The following MALRD1 variants were observed in gnomAD, a reference collection of about 807,000 sequenced individuals.
The protein encoded by MALRD1 is MAM and LDL-receptor class A domain-containing protein 1.
In MALRD1, 247 loss-of-function variants were observed where a neutral mutation model predicts 242.1. The observed-to-expected ratio is 1.02, with a 90% CI of 0.92 to 1.13. The LOEUF (loss-of-function observed/expected upper bound fraction) is 1.13. Among genes scored for constraint, MALRD1 ranks in the 50% most tolerant of loss-of-function variants. The pLI is 0.00. For synonymous variants in MALRD1, 995 were observed against 866.6 expected, an observed-to-expected ratio of 1.15 and a Z score of -2.60; for missense variants, 2,989 against 2,533.1, an observed-to-expected ratio of 1.18 and a Z score of -3.86.
intron 10 of MALRD1, among the ~76,000 whole-genome samples, chr10:19,144,123 G>C (rs975174650): frequency 3.3e-5 from 5 of 152,192 alleles, no homozygotes; most frequent in African/African-American, 1.2e-4. Context: ...TTATTATGCT[G>C]TAGTCAACTT....
At chr10:19,246,250 T>G (rs1839038545) in intron 18 of MALRD1, among the ~76,000 whole-genome samples, 1 of 152,156 alleles carries the variant, frequency 6.6e-6, no homozygotes, top group Non-Finnish European at 1.5e-5. Context: ...ATAACCATAT[T>G]TTGATAACCA....
intron 12 of MALRD1, 107 bp from the exon 13 acceptor site, chr10:19,165,530 C>A (rs1834652916): frequency 3.5e-6 from 3 of 851,562 alleles, no homozygotes; most frequent in African/African-American, 1.8e-5. Context: ...CTTTGGGAGG[C>A]CGAGGCAGGC....
intron 36 of MALRD1, among the ~76,000 whole-genome samples, chr10:19,624,420 G>T (rs1426401473): frequency 6.6e-6 from 1 of 152,142 alleles, no homozygotes; most frequent in Non-Finnish European, 1.5e-5. Context: ...CACTGAAACT[G>T]TTCTGTAGCT....
intron 24 of MALRD1, among the ~76,000 whole-genome samples, chr10:19,342,475 A>G (rs1405467911): frequency 6.6e-6 from 1 of 152,152 alleles, no homozygotes; most frequent in African/African-American, 2.4e-5. Context: ...CTTCTTGTCT[A>G]GTAAAAGAGA....
At chr10:19,145,998 T>C (rs546092440) in intron 10 of MALRD1, among the ~76,000 whole-genome samples, 200 bp from the exon 11 acceptor site, 6 of 152,230 alleles carry the variant, frequency 3.9e-5, no homozygotes, top group African/African-American at 1.4e-4. Flanking sequence ...GATGGAAGCA[T>C]GTGGAAGGGT....
intron 38 of MALRD1, among the ~76,000 whole-genome samples, chr10:19,703,357 C>T (rs1833706518): frequency 6.6e-6 from 1 of 152,112 alleles, no homozygotes; most frequent in Non-Finnish European, 1.5e-5. Context: ...GGGGCGAGGG[C>T]CACAGCACAC....
At chr10:19,697,047 A>G (rs1357502503) in intron 38 of MALRD1, among the ~76,000 whole-genome samples, 2 of 152,250 alleles carry the variant, frequency 1.3e-5, no homozygotes, top group Admixed American at 6.5e-5. Flanking sequence ...ATCTAGGGAA[A>G]GAAGCAGATA....
intron 38 of MALRD1, among the ~76,000 whole-genome samples, chr10:19,719,229 T>TACACATAC (rs1209706914): frequency 4.4e-5 from 1 of 22,732 alleles, no homozygotes; most frequent in Non-Finnish European, 7.9e-5. Flanking sequence ...CATACATATA[T>TACACATAC]ATATATATAT....
At chr10:19,517,953 T>C (rs1384484771) in intron 31 of MALRD1, among the ~76,000 whole-genome samples, 2 of 152,224 alleles carry the variant, frequency 1.3e-5, no homozygotes, top group East Asian at 3.9e-4. Flanking sequence ...TTTGCAGATA[T>C]GACTTATAAA....
At chr10:19,293,064 G>A (rs1251627622) in intron 21 of MALRD1, among the ~76,000 whole-genome samples, 2 of 152,116 alleles carry the variant, frequency 1.3e-5, no homozygotes, top group African/African-American at 2.4e-5. Flanking sequence ...CCCTTAGACA[G>A]TAAATACCAG....
chr10:19,230,157 G>A (rs372816643), intron 18 of MALRD1, among the ~76,000 whole-genome samples: 2 of 152,124 alleles, frequency 1.3e-5, no homozygotes, highest in East Asian at 1.9e-4. Flanking sequence ...CAGCCATGTG[G>A]AACTGTGAAT....
chr10:19,317,918 C>A (rs1842769288), intron 21 of MALRD1, among the ~76,000 whole-genome samples: 1 of 152,050 alleles, frequency 6.6e-6, no homozygotes, highest in South Asian at 2.1e-4. Flanking sequence ...TTTTGCAACA[C>A]CTGAAAGTAA....
intron 34 of MALRD1, among the ~76,000 whole-genome samples, chr10:19,597,112 C>G (rs1249578275): frequency 6.6e-6 from 1 of 152,114 alleles, no homozygotes. Context: ...TATTTCCTAC[C>G]TATATATTCT....
chr10:19,072,843 A>G (rs553637493), intron 2 of MALRD1, among the ~76,000 whole-genome samples: 52 of 152,122 alleles, frequency 3.4e-4, no homozygotes, highest in Non-Finnish European at 6.5e-4. Flanking sequence ...TTTAGTACTT[A>G]TTTGTACTGA....
chr10:19,257,546 T>A, intron 18 of MALRD1, 138 bp from the exon 19 acceptor site: 1 of 602,636 alleles, frequency 1.7e-6, no homozygotes, highest in Admixed American at 3.2e-5. Context: ...TTCTGGAGAC[T>A]ACTGCAAAGC....
chr10:19,277,622 G>A lies in MALRD1; in HGVS notation c.3080-2425G>A, dbSNP rs7085845. Among the ~76,000 whole-genome samples, 1,238 of 152,174 alleles carry A rather than the reference G, an allele frequency of 8.1e-3. 19 individuals carry two copies. Among genetic ancestry groups the A allele is most frequent in the African/African-American group, 0.028 (1,164 of 41,540 alleles). Reference sequence around the variant, plus strand: ...CAGGGTAGCCTGGAAGACATAGTTCGGGGTCTTATTTCTGGGTTTCACATT... The same window carrying A: ...CAGGGTAGCCTGGAAGACATAGTTCAGGGTCTTATTTCTGGGTTTCACATT... On this transcript the variant is annotated intron_variant, in intron 19 of 39. Coordinates refer to ENST00000454679, the MANE Select transcript of MALRD1 (RefSeq NM_001142308.3).
Position 19,099,595 on chromosome 10 carries a change from A to T in MALRD1, c.598-4384A>T, listed in dbSNP as rs2358308. 9.4e-3 allele frequency among the ~76,000 whole-genome samples: 1,436 copies of T among 151,998 alleles called. 8 individuals are homozygous for T. The highest frequency in any genetic ancestry group is 0.015 in the Non-Finnish European group (1,013 of 67,978). On this transcript the variant is annotated intron_variant, in intron 4 of 39. Transcript: ENST00000454679. ...TGCTGCTTTGCTCCTTTATATGTAT[A>T]TATATTATTCTCCAACATTATTAAA...
chr10:19,588,618 C>T (rs1837574810), intron 33 of MALRD1, among the ~76,000 whole-genome samples: 1 of 152,136 alleles, frequency 6.6e-6, no homozygotes. Flanking sequence ...TACACTGATT[C>T]CCTAAATTCT....
intron 5 of MALRD1, among the ~76,000 whole-genome samples, chr10:19,118,912 C>T (rs969537497): frequency 6.6e-6 from 1 of 151,946 alleles, no homozygotes; most frequent in African/African-American, 2.4e-5. Context: ...GATGAAAACC[C>T]ATGGAAGGGC....
Sources: gnomAD v4.1 joint callset for allele counts (sites outside exome capture counted in the v4.1 genomes callset) on GRCh38, gnomAD v4.1.1 for gene constraint, MANE v1.5 for transcripts, NCBI Gene and HGNC (gene_info 2026-07-23, HGNC 2026-07-21) for gene names.